Variants in TRPS1 observed in about 807,000 individuals in gnomAD.
TRPS1 encodes zinc finger transcription factor Trps1.
Under a neutral mutation model 101.2 loss-of-function variants are expected in TRPS1, and 6 were observed. That is an observed-to-expected ratio of 0.06 (90% CI 0.03 to 0.12). The LOEUF is 0.12. Ranked by LOEUF, TRPS1 falls within the 10% of genes least tolerant of loss-of-function variation. The pLI is 1.00. For synonymous variants in TRPS1, 578 were observed against 589.8 expected (o/e 0.98, Z 0.29); for missense variants, 1,363 against 1,567.0 (o/e 0.87, Z 2.20).
chr8:115,459,256 G>A (rs565377154), intron 5 of TRPS1, among the ~76,000 whole-genome samples: 52 of 152,138 alleles, frequency 3.4e-4, no homozygotes, highest in African/African-American at 1.2e-3. Context: ...CCCGGGAGGC[G>A]GAGCTTGCAG....
At chr8:115,485,511 A>C (rs1402908508) in intron 5 of TRPS1, among the ~76,000 whole-genome samples, 1 of 152,222 alleles carries the variant, frequency 6.6e-6, no homozygotes, top group Non-Finnish European at 1.5e-5. Context: ...TACACACAGC[A>C]ATAGAACATA....
At chr8:115,621,378 A>T (rs1019138784) in intron 2 of TRPS1, among the ~76,000 whole-genome samples, 1 of 152,214 alleles carries the variant, frequency 6.6e-6, no homozygotes, top group Non-Finnish European at 1.5e-5. Context: ...TATCCAAAAC[A>T]TGCTGAGAAA....
At chr8:115,478,952 CATGTATATATGTGTATATATGTATATAT>C (rs1320594778) in intron 5 of TRPS1, among the ~76,000 whole-genome samples, 5 of 146,984 alleles carry the variant, frequency 3.4e-5, no homozygotes, top group Admixed American at 1.4e-4. Flanking sequence ...TAAATGTATA[CATGTATATATGTGTATATATGTATATAT>C]ATGTATATAT....
At chr8:115,656,725 A>C (rs568668619) in intron 1 of TRPS1, among the ~76,000 whole-genome samples, 1 of 152,246 alleles carries the variant, frequency 6.6e-6, no homozygotes, top group South Asian at 2.1e-4. Flanking sequence ...TTATCATAAA[A>C]AGGTGTGACA....
chr8:115,524,999 A>C (rs1376391357), intron 5 of TRPS1, among the ~76,000 whole-genome samples: 2 of 151,508 alleles, frequency 1.3e-5, no homozygotes, highest in African/African-American at 4.9e-5. Flanking sequence ...TGTCCTTTAA[A>C]GATTTGTTTC....
intron 5 of TRPS1, among the ~76,000 whole-genome samples, chr8:115,562,876 C>CTGTGTG (rs10588354): frequency 0.045 from 5,910 of 132,566 alleles, 159 homozygotes; most frequent in East Asian, 0.074. Context: ...CCCACAGTGT[C>CTGTGTG]TGTGTGTGTG....
chr8:115,662,042 G>A (rs923024094), intron 1 of TRPS1, among the ~76,000 whole-genome samples: 1 of 151,988 alleles, frequency 6.6e-6, no homozygotes, highest in Non-Finnish European at 1.5e-5. Context: ...CTATGCTGAT[G>A]TGAACAACAT....
chr8:115,545,834 A>G (rs1816557946), intron 5 of TRPS1, among the ~76,000 whole-genome samples: 1 of 152,136 alleles, frequency 6.6e-6, no homozygotes, highest in South Asian at 2.1e-4. Context: ...TATTTCAAGA[A>G]CAGATTCAAA....
rs1157043167 is a variant in TRPS1, at chr8:115,543,544, A to C, written c.2700+43457T>G. 2.0e-5 allele frequency among the ~76,000 whole-genome samples: 3 copies of C among 152,192 alleles called. No individual in the cohort carries two copies. In the East Asian group the frequency reaches 5.8e-4, roughly 29 times the overall value. ...GCAAGTGAGCATTTAAAAAATATAT[A>C]TCTATATACCAAGATAAAAAGTTTT... On this transcript the variant is annotated intron_variant, in intron 5 of 6. Coordinates refer to ENST00000395715, the MANE Select transcript of TRPS1 (RefSeq NM_014112.5).
At chr8:115,438,456 G>C (rs528470806) in intron 5 of TRPS1, among the ~76,000 whole-genome samples, 1 of 152,232 alleles carries the variant, frequency 6.6e-6, no homozygotes, top group South Asian at 2.1e-4. Flanking sequence ...AATAAAAGAA[G>C]AGCAACTGGT....
intron 5 of TRPS1, among the ~76,000 whole-genome samples, chr8:115,505,981 TC>T (rs1815433880): frequency 1.3e-5 from 2 of 152,074 alleles, no homozygotes. Context: ...GCTTTGAAAA[TC>T]TGTCAATATT....
chr8:115,460,148 C>T (rs994249178), intron 5 of TRPS1, among the ~76,000 whole-genome samples: 1 of 152,072 alleles, frequency 6.6e-6, no homozygotes, highest in Non-Finnish European at 1.5e-5. Context: ...GTGACTTACA[C>T]ATAGTGTTCA....
intron 5 of TRPS1, among the ~76,000 whole-genome samples, chr8:115,532,672 T>C (rs1816164559): frequency 6.6e-6 from 1 of 152,146 alleles, no homozygotes. Context: ...TATATTTATA[T>C]TGAGACAGGC....
At chr8:115,475,266 TTATATATATA>T (rs33922102) in intron 5 of TRPS1, among the ~76,000 whole-genome samples, 1,589 of 124,006 alleles carry the variant, frequency 0.013, 62 homozygotes, top group African/African-American at 0.049. Context: ...TGAATCACAG[TTATATATATA>T]TATATATATA....
chr8:115,583,723 T>G (rs1817503778), intron 5 of TRPS1, among the ~76,000 whole-genome samples: 1 of 152,064 alleles, frequency 6.6e-6, no homozygotes, highest in Non-Finnish European at 1.5e-5. Flanking sequence ...GCAATGTGGC[T>G]TTTGTCATAC....
chr8:115,565,254 C>G (rs974440035), intron 5 of TRPS1, among the ~76,000 whole-genome samples: 1 of 151,944 alleles, frequency 6.6e-6, no homozygotes, highest in South Asian at 2.1e-4. Context: ...GTTTAGAAGG[C>G]CCTCGGAAGT....
At chr8:115,520,057 C>T (rs765477595) in intron 5 of TRPS1, among the ~76,000 whole-genome samples, 2 of 151,532 alleles carry the variant, frequency 1.3e-5, no homozygotes, top group East Asian at 1.9e-4. Flanking sequence ...CATATACATA[C>T]CTCTTCACTG....
At chr8:115,586,888 G>A in intron 5 of TRPS1, 113 bp downstream of exon 5, 1 of 1,577,412 alleles carries the variant, frequency 6.3e-7, no homozygotes, top group South Asian at 1.1e-5. Flanking sequence ...CCCAGATTGA[G>A]ACAGATCATT....
At chr8:115,527,583 C>G (rs1359074646) in intron 5 of TRPS1, among the ~76,000 whole-genome samples, 1 of 151,966 alleles carries the variant, frequency 6.6e-6, no homozygotes, top group Non-Finnish European at 1.5e-5. Flanking sequence ...CACTTTTTCA[C>G]TTTGTTTCTA....
Sources: gnomAD v4.1 joint callset for allele counts (sites outside exome capture counted in the v4.1 genomes callset) on GRCh38, gnomAD v4.1.1 for gene constraint, MANE v1.5 for transcripts, NCBI Gene and HGNC (gene_info 2026-07-23, HGNC 2026-07-21) for gene names.